The following PNPLA7 variants were observed in gnomAD, a reference collection of about 807,000 sequenced individuals.
The protein encoded by PNPLA7 is patatin like domain 7, lysophospholipase.
Under a neutral mutation model 161.7 loss-of-function variants are expected in PNPLA7, and 153 were observed. That is an observed-to-expected ratio of 0.95 (90% CI 0.83 to 1.08). The LOEUF (loss-of-function observed/expected upper bound fraction) is 1.08. Among genes scored for constraint, PNPLA7 ranks in the 50% least tolerant of loss-of-function variants. The probability of loss-of-function intolerance (pLI) is 0.00; values close to 1 mark genes in which losing one functional copy is unlikely to be tolerated. For missense variants in PNPLA7, 1,739 were observed against 1,856.6 expected (o/e 0.94, Z 1.16); for synonymous variants, 809 against 782.1 (o/e 1.03, Z -0.57).
intron 34 of PNPLA7, 26 bp from the exon 35 acceptor site, chr9:137,460,502 T>C: frequency 1.2e-6 from 2 of 1,611,274 alleles, no homozygotes; most frequent in Non-Finnish European, 1.7e-6. Flanking sequence ...ATGTTCCAGG[T>C]GAGGACCAGG....
chr9:137,537,550 C>T lies in PNPLA7; in HGVS notation c.747+3092G>A, dbSNP rs1835959034. ...CAGGATGGTCTCGATCTCCTGACCT[C>T]GTGATCCGCCCACCTCGGCCTCCCA... On this transcript the variant is annotated intron_variant, in intron 8 of 34. Coordinates refer to ENST00000406427, the MANE Select transcript of PNPLA7 (RefSeq NM_001098537.3). This position sits in a 1 kb window ranked among gnomAD's most constrained non-coding sequence, Gnocchi z 4.5. Among the ~76,000 whole-genome samples the T allele has an allele frequency of 6.6e-6, 1 of 152,162 alleles. No individual in the cohort carries two copies. The highest frequency in any genetic ancestry group is 1.5e-5 in the Non-Finnish European group (1 of 68,018).
At chr9:137,461,375 C>T (rs1321309877) in intron 33 of PNPLA7, 161 bp downstream of exon 33, 11 of 716,774 alleles carry the variant, frequency 1.5e-5, no homozygotes, top group Admixed American at 6.4e-5. Context: ...ACGTGGTGCC[C>T]GGGACGGAGG....
rs924801891 is a variant in PNPLA7, at chr9:137,490,896, G to A, written c.2197+2117C>T. On this transcript the variant is annotated intron_variant, in intron 20 of 34. Coordinates refer to ENST00000406427, the MANE Select transcript of PNPLA7 (RefSeq NM_001098537.3). This position sits in a 1 kb window ranked among gnomAD's most constrained non-coding sequence, Gnocchi z 4.1. ...AGTTAAGACAACCACATCATAAAGG[G>A]GGAAGGATGAAGTGACTGAACAATG... Among the ~76,000 whole-genome samples, 1 of 152,190 alleles carries A rather than the reference G, an allele frequency of 6.6e-6. No homozygotes were observed. Among genetic ancestry groups the A allele is most frequent in the Non-Finnish European group, 1.5e-5 (1 of 68,036 alleles).
At chr9:137,485,266 G>A (rs1178302172) in intron 20 of PNPLA7, among the ~76,000 whole-genome samples, 1 of 152,252 alleles carries the variant, frequency 6.6e-6, no homozygotes, top group Non-Finnish European at 1.5e-5. Flanking sequence ...GGAATGTGAG[G>A]CTCAGAGTAA....
Position 137,462,047 on chromosome 9 carries a change from C to T in PNPLA7, c.3646-6G>A. 1.3e-6 allele frequency: 2 copies of T among 1,583,672 alleles called. No individual in the cohort carries two copies. The highest frequency in any genetic ancestry group is 8.6e-7 in the Non-Finnish European group (1 of 1,165,410). ...CCGTGCTGGTAGCCCACTTCCTGTG[C>T]ACACCCCCAGGGCCCCGTCAGGAGG... is the stretch of plus-strand genomic sequence containing the variant. On this transcript the variant is annotated splice_region_variant and splice_polypyrimidine_tract_variant and intron_variant, in intron 31 of 34. Coordinates refer to ENST00000406427, the MANE Select transcript of PNPLA7 (RefSeq NM_001098537.3).
rs59849379 is a variant in PNPLA7 at position 137,477,766 on chromosome 9, C to T, written c.2882+268G>A. On this transcript the variant is annotated intron_variant, in intron 25 of 34. Transcript: ENST00000406427. ...CCAAGCAACCACTTCTAAGCAAAGA[C>T]AGTCAAAACGAGATATGTCTTCTAC... Among the ~76,000 whole-genome samples, 345 of 152,354 alleles carry T rather than the reference C, an allele frequency of 2.3e-3. 7 individuals carry two copies. The East Asian group carries it at 0.028, about 12-fold the overall frequency.
intron 4 of PNPLA7, among the ~76,000 whole-genome samples, chr9:137,546,524 G>A (rs562730508): frequency 1.2e-3 from 188 of 152,238 alleles, no homozygotes; most frequent in Non-Finnish European, 1.6e-3. Flanking sequence ...CCTCCCCTCC[G>A]GCCACTGTGC....
At chr9:137,535,472 G>C (rs1045508735) in intron 8 of PNPLA7, among the ~76,000 whole-genome samples, 7 of 152,050 alleles carry the variant, frequency 4.6e-5, no homozygotes, top group Non-Finnish European at 7.4e-5. Flanking sequence ...AGAACATTCA[G>C]GGCCAGGCGC....
intron 23 of PNPLA7, 140 bp downstream of exon 23, chr9:137,480,171 AT>A: frequency 2.4e-6 from 3 of 1,250,764 alleles, no homozygotes; most frequent in South Asian, 3.0e-5. Flanking sequence ...TTTTTAAAAC[AT>A]GGGTAGCAGA....
In PNPLA7 at chr9:137,547,102, C is replaced by T. The variant is rs1255748739; in HGVS notation, c.194-193G>A. On this transcript the variant is annotated intron_variant, in intron 3 of 34. Coordinates refer to ENST00000406427, the MANE Select transcript of PNPLA7 (RefSeq NM_001098537.3). This position sits in a 1 kb window ranked among gnomAD's most constrained non-coding sequence, Gnocchi z 4.6. ...GGGCTCTCCCCTCTTCCCACTGAAG[C>T]CTTGCTCAGGAGAGGAGAACAGAAA... Among the ~76,000 whole-genome samples, 6 of 152,146 alleles carry T rather than the reference C, an allele frequency of 3.9e-5. No individual in the cohort carries two copies. Among genetic ancestry groups the T allele is most frequent in the Non-Finnish European group, 8.8e-5 (6 of 68,024 alleles).
At chr9:137,522,210 G>A (rs900074283) in intron 9 of PNPLA7, among the ~76,000 whole-genome samples, 21 of 152,344 alleles carry the variant, frequency 1.4e-4, no homozygotes, top group East Asian at 3.9e-4. Flanking sequence ...GAGTAGCTGG[G>A]ACTACAGGCG....
chr9:137,520,534 A>C lies in PNPLA7; in HGVS notation c.958-491T>G, dbSNP rs1009854234. Reference sequence around the variant, plus strand: ...AATGTCATCAGAATTATGATTTCCAACTGAAATGCACATACTAAAGACTAA... The same window carrying C: ...AATGTCATCAGAATTATGATTTCCACCTGAAATGCACATACTAAAGACTAA... On this transcript the variant is annotated intron_variant, in intron 10 of 34. Coordinates refer to ENST00000406427, the MANE Select transcript of PNPLA7 (RefSeq NM_001098537.3). The surrounding 1 kb of genome is among the most constrained non-coding windows in gnomAD (Gnocchi z 5.2). Among the ~76,000 whole-genome samples the C allele has an allele frequency of 2.0e-5, 3 of 152,230 alleles. No individual in the cohort carries two copies. The highest frequency in any genetic ancestry group is 4.4e-5 in the Non-Finnish European group (3 of 68,042).
At chr9:137,544,566 A>G (rs139148412) in intron 4 of PNPLA7, among the ~76,000 whole-genome samples, 5 of 152,228 alleles carry the variant, frequency 3.3e-5, no homozygotes, top group African/African-American at 1.2e-4. Flanking sequence ...ACAGCACTTA[A>G]TGCGGATGAG....
At chr9:137,470,407 T>C (rs1376263354) in intron 25 of PNPLA7, among the ~76,000 whole-genome samples, 3 of 152,176 alleles carry the variant, frequency 2.0e-5, no homozygotes, top group Non-Finnish European at 1.5e-5. Flanking sequence ...GAAACTTTCT[T>C]TGTGGGGATT....
At chr9:137,538,129 G>T (rs1022554337) in intron 8 of PNPLA7, among the ~76,000 whole-genome samples, 10 of 152,184 alleles carry the variant, frequency 6.6e-5, no homozygotes, top group Admixed American at 2.0e-4. Context: ...CCCAAGCCAC[G>T]CTGGGGGCTC....
rs1373565338 is a variant in PNPLA7 at position 137,543,464 on chromosome 9, T to C, written c.474A>G (p.Pro158=). Residue 158 remains proline, a synonymous_variant, in exon 6 of 35, where the codon CCA becomes CCG. Transcript: ENST00000406427. This position sits in a 1 kb window ranked among gnomAD's most constrained non-coding sequence, Gnocchi z 6.9. ...TTTTCAGCATGTACAGAACTTCCGA[T>C]GGCAGGTGAGAATTCTTCACGTCAA... ...TEFDVKNSHL[P]SEVLYMLKNV... is the part of the protein sequence containing the mutation. 13 of 1,613,990 alleles carry C rather than the reference T, an allele frequency of 8.1e-6. No homozygotes were observed. The highest frequency in any genetic ancestry group is 5.0e-5 in the Admixed American group (3 of 60,010).
chr9:137,466,101 G>A (rs1564281766), intron 26 of PNPLA7, among the ~76,000 whole-genome samples: 4 of 152,274 alleles, frequency 2.6e-5, no homozygotes, highest in Non-Finnish European at 4.4e-5. Context: ...CAGGCCGGGT[G>A]CCATGCACCA....
At chr9:137,502,685 A>AGGGGGACGAGGGGGACGAGGGGGACGC (rs1554767734) in intron 14 of PNPLA7, among the ~76,000 whole-genome samples, 1 of 440 alleles carries the variant, frequency 2.3e-3, no homozygotes, top group Non-Finnish European at 3.9e-3. Context: ...TCGGGAGATG[A>AGGGGGACGAGGGGGACGAGGGGGACGC]GGGGGACGGG....
At chr9:137,493,141 C>A in intron 19 of PNPLA7, 59 bp from the exon 20 acceptor site, 1 of 1,548,334 alleles carries the variant, frequency 6.5e-7, no homozygotes, top group African/African-American at 1.4e-5. Flanking sequence ...CACTGGGAAC[C>A]AAAGACAGTG....
Sources: allele counts gnomAD v4.1 joint callset (sites outside exome capture counted in the v4.1 genomes callset), GRCh38; gene constraint gnomAD v4.1.1; non-coding constraint Gnocchi (gnomAD v3.1); transcripts MANE v1.5; gene names NCBI Gene and HGNC (gene_info 2026-07-23, HGNC 2026-07-21).